Variants in UBR2 observed in about 807,000 individuals in gnomAD.
UBR2 encodes ubiquitin protein ligase E3 component n-recognin 2, also known as E3 ubiquitin-protein ligase UBR2.
UBR2 carries 92 observed loss-of-function variants against 247.9 expected under a neutral mutation model. The ratio of observed to expected loss-of-function variants is 0.37; its 90% confidence interval spans 0.31 to 0.44. The LOEUF (loss-of-function observed/expected upper bound fraction) is 0.44. Among genes scored for constraint, UBR2 ranks in the 20% least tolerant of loss-of-function variants. The pLI, the probability that UBR2 is intolerant of heterozygous loss-of-function variation, is 1.00. For synonymous variants in UBR2, 672 were observed against 693.5 expected, an observed-to-expected ratio of 0.97 and a Z score of 0.49; for missense variants, 1,613 against 2,112.6, an observed-to-expected ratio of 0.76 and a Z score of 4.64.
intron 1 of UBR2, among the ~76,000 whole-genome samples, chr6:42,566,459 A>G (rs1790783924): frequency 6.6e-6 from 1 of 152,182 alleles, no homozygotes; most frequent in African/African-American, 2.4e-5. Context: ...ATCTTGGCTT[A>G]CTGCAACCTC....
rs537741036 is a variant in UBR2 at position 42,568,719 on chromosome 6, G to A, written c.78+4322G>A. ...CACTCCAGCCTGGGCAACAGAGCGA[G>A]ACTCTGTCTCAAAAAAAAAATAATA... On this transcript the variant is annotated intron_variant, in intron 1 of 46. Transcript: ENST00000372901. 2.3e-3 allele frequency among the ~76,000 whole-genome samples: 355 copies of A among 152,036 alleles called. 1 individual carries two copies. Among genetic ancestry groups the A allele is most frequent in the Non-Finnish European group, 3.7e-3 (250 of 67,980 alleles).
At position 42,652,033 on chromosome 6, in the gene UBR2, C is replaced by T. The variant is rs757241280; in HGVS notation, c.2576C>T (p.Ala859Val). The T allele has an allele frequency of 8.2e-6, 13 of 1,593,820 alleles. No homozygotes were observed. Among genetic ancestry groups the T allele is most frequent in the African/African-American group, 2.7e-5 (2 of 73,232 alleles). ...TTTATTTTTTATTAGGCAGAAGAAG[C>T]GCAACGGAAATTGAAAAGACAAAAT... The part of the protein sequence containing the change: ...SRAEQSKAEE[A>V]QRKLKRQNRE... The change falls in exon 24 of 47, where the codon GCG (alanine) becomes GTG (valine). Residue 859 changes from alanine to valine, a missense_variant. Around this residue, in one of 3 missense-constraint regions of UBR2, gnomAD observed 1,524 missense variants for 1,967.3 expected, o/e 0.77. Transcript: ENST00000372901.
rs191296375 is a variant in UBR2, at chr6:42,680,718, G to A, written c.4718+886G>A. On this transcript the variant is annotated intron_variant, in intron 42 of 46. Transcript: ENST00000372901. ...TAGTGACTGAGTTAAATATATGGCT[G>A]TTCTGTCCACAAAACGGGGGAAAAT... Among the ~76,000 whole-genome samples, 315 of 152,312 alleles carry A rather than the reference G, an allele frequency of 2.1e-3. 1 individual carries two copies. The highest frequency in any genetic ancestry group is 7.4e-3 in the African/African-American group (306 of 41,568).
At chr6:42,564,428 GCCCCTCGCAGGC>G in intron 1 of UBR2, 31 bp downstream of exon 1, 1 of 1,596,356 alleles carries the variant, frequency 6.3e-7, no homozygotes, top group South Asian at 1.1e-5. Flanking sequence ...GGGTGCGTCT[GCCCCTCGCAGGC>G]CGCGCCTGTG....
chr6:42,660,464 G>A (rs890496400), intron 30 of UBR2, among the ~76,000 whole-genome samples: 1 of 152,056 alleles, frequency 6.6e-6, no homozygotes, highest in Non-Finnish European at 1.5e-5. Flanking sequence ...GTTGTGCTCT[G>A]TGTGCGTGTG....
In UBR2 at chr6:42,580,972, G is replaced by A. The variant is rs1292808688; in HGVS notation, c.338+6979G>A. On this transcript the variant is annotated intron_variant, in intron 2 of 46. Coordinates refer to ENST00000372901, the MANE Select transcript of UBR2 (RefSeq NM_001363705.2). ...CCTAGGTAACCACTGTGTTGATATT[G>A]TCACCTTAGATTACCTTGGGTGGTT... 2.1e-5 allele frequency among the ~76,000 whole-genome samples: 3 copies of A among 140,738 alleles called. No homozygotes were observed. The East Asian group carries it at 6.3e-4, about 29-fold the overall frequency. The allele number at this position is 140,738 out of a possible 152,430, so 92.3% of individuals were successfully genotyped here. A position where few individuals can be genotyped will look rare whatever the true frequency, so the allele number is the denominator to read the frequency against.
chr6:42,652,010 T>C lies in UBR2; in HGVS notation c.2566-13T>C, dbSNP rs1238054020. On this transcript the variant is annotated splice_polypyrimidine_tract_variant and intron_variant, in intron 23 of 46. Coordinates refer to ENST00000372901, the MANE Select transcript of UBR2 (RefSeq NM_001363705.2). The stretch of plus-strand genomic sequence containing the variant: ...TACTAATTCCCGGTCCAAATAACTT[T>C]ATTTTTTATTAGGCAGAAGAAGCGC... 1.3e-6 allele frequency: 2 copies of C among 1,585,322 alleles called. No homozygotes were observed. The highest frequency in any genetic ancestry group is 1.7e-6 in the Non-Finnish European group (2 of 1,170,314).
intron 31 of UBR2, among the ~76,000 whole-genome samples, chr6:42,662,949 CA>C (rs199701853): frequency 6.7e-6 from 1 of 148,754 alleles, no homozygotes; most frequent in Non-Finnish European, 1.5e-5. Flanking sequence ...ACAACAACAA[CA>C]ACAAAAAAAA....
At chr6:42,644,642 A>C in intron 20 of UBR2, 106 bp downstream of exon 20, 1 of 868,496 alleles carries the variant, frequency 1.2e-6, no homozygotes, top group Non-Finnish European at 1.8e-6. Context: ...GAGGATGCTC[A>C]GTCTTAGGGG....
At chr6:42,579,707 C>G (rs1285688032) in intron 2 of UBR2, among the ~76,000 whole-genome samples, 1 of 152,232 alleles carries the variant, frequency 6.6e-6, no homozygotes, top group East Asian at 1.9e-4. Flanking sequence ...CAGAGTTTCC[C>G]TATATTGCCC....
rs779794232 is a variant in UBR2 at position 42,689,699 on chromosome 6, C to T, written c.5126+29C>T. 2 of 1,592,970 alleles carry T rather than the reference C, an allele frequency of 1.3e-6. No individual in the cohort carries two copies. Among genetic ancestry groups the T allele is most frequent in the South Asian group, 1.1e-5 (1 of 90,608 alleles). On this transcript the variant is annotated intron_variant, in intron 46 of 46. Transcript: ENST00000372901. The surrounding 1 kb of genome is among the most constrained non-coding windows in gnomAD (Gnocchi z 4.0). ...AGAACCCATCCTGAGTTAGCTAACT[C>T]AGGGCCTGCAGCGCCCTTCCGTATG...
chr6:42,670,672 G>A lies in UBR2; in HGVS notation c.4043G>A (p.Ser1348Asn), dbSNP rs775608192. ...CTTTAATCTGTAGAAAGAATTTTGA[G>A]TGATGAAGATAAACCATTGTTTGGT... ...YTIQSIERIL[S>N]DEDKPLFGPL... Residue 1348 changes from serine to asparagine, a missense_variant, in exon 36 of 47, where the codon AGT becomes AAT. Physicochemically the swap from Ser to Asn is conservative, Grantham distance 46. Transcript: ENST00000372901. 1.9e-6 allele frequency: 3 copies of A among 1,607,632 alleles called. No individual in the cohort carries two copies. The African/African-American group carries it at 4.0e-5, about 22-fold the overall frequency.
intron 11 of UBR2, among the ~76,000 whole-genome samples, chr6:42,627,931 G>A (rs180803297): frequency 9.8e-5 from 15 of 152,314 alleles, no homozygotes; most frequent in African/African-American, 3.4e-4. Context: ...TTAAAGGCAA[G>A]ATGAAGTCAA....
chr6:42,568,375 T>C (rs191612557), intron 1 of UBR2, among the ~76,000 whole-genome samples: 1 of 152,310 alleles, frequency 6.6e-6, no homozygotes, highest in African/African-American at 2.4e-5. Context: ...TTCGTATAAA[T>C]GGAATTCAAC....
rs1790642669 is a variant in UBR2 at position 42,564,255 on chromosome 6, CCG to C, written c.-64_-63del. On this transcript the variant is annotated 5_prime_UTR_variant, in exon 1 of 47. Transcript: ENST00000372901. ...GGGGCAGGGGTGGCAGTCGAGGCCG[CCG>C]GGGCCGAGGTGAGGCTGCAGCTCTC... 1.8e-5 allele frequency: 28 copies of C among 1,563,454 alleles called. No individual in the cohort carries two copies. The highest frequency in any genetic ancestry group is 1.4e-4 in the South Asian group (12 of 85,046).
At chr6:42,596,246 A>G (rs556301190) in intron 4 of UBR2, among the ~76,000 whole-genome samples, 10 of 151,594 alleles carry the variant, frequency 6.6e-5, no homozygotes, top group Admixed American at 5.3e-4. Flanking sequence ...CAACAAACAC[A>G]TGAAAAGATG....
At chr6:42,665,332 C>T in intron 32 of UBR2, 77 bp from the exon 33 acceptor site, 1 of 1,079,076 alleles carries the variant, frequency 9.3e-7, no homozygotes, top group Non-Finnish European at 1.3e-6. Context: ...TAAAATATGC[C>T]TGTGATCATT....
At chr6:42,651,012 A>G (rs1256312217) in intron 23 of UBR2, among the ~76,000 whole-genome samples, 1 of 152,092 alleles carries the variant, frequency 6.6e-6, no homozygotes. Flanking sequence ...GCTTGAGCTC[A>G]GGAGTTCGAG....
rs1176250627 is a variant in UBR2, at chr6:42,631,883, TATATATAA to T, written c.1282-665_1282-658del. Among the ~76,000 whole-genome samples the T allele has an allele frequency of 2.8e-4, 34 of 121,020 alleles. 1 individual carries two copies. The highest frequency in any genetic ancestry group is 5.0e-4 in the South Asian group (2 of 3,982). 79.4% of individuals were successfully genotyped at this position (121,020 alleles called of 152,430 possible). A position where few individuals can be genotyped will look rare whatever the true frequency, so the allele number is the denominator to read the frequency against. Reference sequence around the variant, plus strand: ...TTTTATATATATATATATATATATATATATATAAATACAGGTTCTGTAATTATATATAT... The same window carrying T: ...TTTTATATATATATATATATATATATATACAGGTTCTGTAATTATATATAT... On this transcript the variant is annotated intron_variant, in intron 11 of 46. Transcript: ENST00000372901.
Sources: gnomAD v4.1 joint callset for allele counts (sites outside exome capture counted in the v4.1 genomes callset) on GRCh38, gnomAD v4.1.1 for gene constraint, gnomAD v4.1.1 regional missense constraint, Gnocchi (gnomAD v3.1) non-coding constraint, MANE v1.5 for transcripts, NCBI Gene and HGNC (gene_info 2026-07-23, HGNC 2026-07-21) for gene names.